The following PIP5K1B variants were observed in gnomAD, a reference collection of about 807,000 sequenced individuals.
The protein encoded by PIP5K1B is phosphatidylinositol-4-phosphate 5-kinase type 1 beta.
Under a neutral mutation model 67.0 loss-of-function variants are expected in PIP5K1B, and 42 were observed. The ratio of observed to expected loss-of-function variants is 0.63; its 90% CI spans 0.49 to 0.81. The LOEUF (loss-of-function observed/expected upper bound fraction) is 0.81. PIP5K1B is among the 30% of genes least tolerant of loss of function. PIP5K1B has a pLI of 0.00. For synonymous variants in PIP5K1B, 214 were observed against 231.4 expected (o/e 0.92, Z 0.68); for missense variants, 459 against 646.3 (o/e 0.71, Z 3.14).
At chr9:68,761,523 A>G (rs1405271329) in intron 2 of PIP5K1B, among the ~76,000 whole-genome samples, 1 of 152,114 alleles carries the variant, frequency 6.6e-6, no homozygotes, top group Non-Finnish European at 1.5e-5. Context: ...TCTGGAAGTG[A>G]GAAGGCCAAA....
At chr9:68,908,101 AG>A (rs1214221713) in intron 8 of PIP5K1B, among the ~76,000 whole-genome samples, 1 of 152,228 alleles carries the variant, frequency 6.6e-6, no homozygotes, top group African/African-American at 2.4e-5. Flanking sequence ...CTCACAAGAC[AG>A]CTGGCCTATG....
intron 15 of PIP5K1B, among the ~76,000 whole-genome samples, chr9:69,003,968 T>C (rs1429659855): frequency 1.3e-5 from 2 of 152,234 alleles, no homozygotes; most frequent in African/African-American, 4.8e-5. Flanking sequence ...TCTGTATTAG[T>C]GTTTAATTAT....
chr9:68,996,420 A>G (rs945905733), intron 15 of PIP5K1B, among the ~76,000 whole-genome samples: 1 of 152,186 alleles, frequency 6.6e-6, no homozygotes, highest in Non-Finnish European at 1.5e-5. Context: ...AAATATTCAA[A>G]TCAAGGGAAG....
intron 1 of PIP5K1B, among the ~76,000 whole-genome samples, chr9:68,738,821 T>C (rs1828865752): frequency 6.6e-6 from 1 of 152,214 alleles, no homozygotes. Context: ...TATTAAACTA[T>C]CCACATTTTC....
Position 68,780,076 on chromosome 9 carries a change from G to GGCGGCGGCA in PIP5K1B, c.-86+37428_-86+37436dup, listed in dbSNP as rs933564183. On this transcript the variant is annotated intron_variant, in intron 2 of 15. Transcript: ENST00000265382. The stretch of plus-strand genomic sequence containing the variant: ...GCCAGCCCGCTGACAGATTCTCGGT[G>GGCGGCGGCA]GCGGCGGCAGCGGCGGCGGCCCTGG... 1.8e-4 allele frequency: 263 copies of GGCGGCGGCA among 1,429,988 alleles called. 2 individuals carry two copies. Among genetic ancestry groups the GGCGGCGGCA allele is most frequent in the South Asian group, 6.0e-4 (37 of 62,122 alleles). The allele number at this position is 1,429,988 out of a possible 1,614,324, so 88.6% of individuals were successfully genotyped here.
chr9:68,899,863 G>A (rs996238669), intron 8 of PIP5K1B, among the ~76,000 whole-genome samples: 1 of 152,130 alleles, frequency 6.6e-6, no homozygotes. Context: ...CATCACTCAG[G>A]TAATAAGCAT....
At chr9:68,842,649 G>A (rs1348996361) in intron 4 of PIP5K1B, among the ~76,000 whole-genome samples, 1 of 152,202 alleles carries the variant, frequency 6.6e-6, no homozygotes, top group African/African-American at 2.4e-5. Context: ...CCCCTCCAGA[G>A]GGCATTTATT....
chr9:69,004,424 C>T (rs192807128), intron 15 of PIP5K1B, among the ~76,000 whole-genome samples: 9 of 152,044 alleles, frequency 5.9e-5, no homozygotes, highest in African/African-American at 1.7e-4. Flanking sequence ...TCTGTAGTCT[C>T]TGAGCTCCTC....
At chr9:68,789,100 C>G in intron 2 of PIP5K1B, 1 of 552,524 alleles carries the variant, frequency 1.8e-6, no homozygotes, top group South Asian at 1.6e-5. Flanking sequence ...ATAATGGCAT[C>G]AATCTCTTCA....
chr9:68,770,571 G>A (rs530397947), intron 2 of PIP5K1B, among the ~76,000 whole-genome samples: 14 of 152,324 alleles, frequency 9.2e-5, no homozygotes, highest in African/African-American at 2.4e-4. Context: ...CACACAGCAC[G>A]AGGTGAGCAG....
In PIP5K1B at chr9:68,764,512, G is replaced by T. The variant is rs539084604; in HGVS notation, c.-86+21855G>T. On this transcript the variant is annotated intron_variant, in intron 2 of 15. Transcript: ENST00000265382. ...AGTTGCTATATTTGTATAATAATAA[G>T]CTTAACTCATCAAGTTACTACTGTA... Among the ~76,000 whole-genome samples, 4 of 151,790 alleles carry T rather than the reference G, an allele frequency of 2.6e-5. No individual in the cohort carries two copies. The South Asian group carries it at 8.3e-4, about 32-fold the overall frequency.
At chr9:68,754,187 T>TTTTTTTTTTTTTTTTTTACA in intron 2 of PIP5K1B, among the ~76,000 whole-genome samples, 1 of 138,826 alleles carries the variant, frequency 7.2e-6, no homozygotes, top group South Asian at 2.3e-4. Context: ...TTTTTTTTTT[T>TTTTTTTTTTTTTTTTTTACA]GAGACAGAGT....
At chr9:68,839,912 C>G (rs1279822650) in intron 4 of PIP5K1B, among the ~76,000 whole-genome samples, 1 of 152,178 alleles carries the variant, frequency 6.6e-6, no homozygotes, top group Non-Finnish European at 1.5e-5. Context: ...AACTCATCAC[C>G]CATTCATTTA....
chr9:68,924,630 G>T (rs1205744338), intron 12 of PIP5K1B, among the ~76,000 whole-genome samples: 1 of 151,888 alleles, frequency 6.6e-6, no homozygotes, highest in Non-Finnish European at 1.5e-5. Context: ...TATGTGAAAG[G>T]AGAAAATAAT....
Position 68,907,376 on chromosome 9 carries a change from T to C in PIP5K1B, c.772-10172T>C, listed in dbSNP as rs141551859. ...AAGTGTGGCTTTCAACTGTGTCATG[T>C]TGAGCCACTCTTGTACCTTCTTTAG... is the stretch of plus-strand genomic sequence containing the variant. On this transcript the variant is annotated intron_variant, in intron 8 of 15. Transcript: ENST00000265382. Among the ~76,000 whole-genome samples, 1,477 of 152,316 alleles carry C rather than the reference T, an allele frequency of 9.7e-3. 14 individuals carry two copies. Among genetic ancestry groups the C allele is most frequent in the Non-Finnish European group, 0.016 (1,112 of 68,022 alleles).
intron 8 of PIP5K1B, among the ~76,000 whole-genome samples, chr9:68,904,433 G>A (rs886129579): frequency 6.6e-6 from 1 of 152,068 alleles, no homozygotes; most frequent in Non-Finnish European, 1.5e-5. Context: ...CCTATTTCAA[G>A]GAAGGAACAC....
At chr9:68,748,613 C>CTTTTTTTTT (rs58954806) in intron 2 of PIP5K1B, among the ~76,000 whole-genome samples, 16 of 98,272 alleles carry the variant, frequency 1.6e-4, no homozygotes, top group Non-Finnish European at 2.2e-4. Context: ...GATTTCTTTT[C>CTTTTTTTTT]TTTTTTTTTT....
chr9:68,832,896 GT>G (rs1426257631), intron 4 of PIP5K1B, among the ~76,000 whole-genome samples: 1 of 152,250 alleles, frequency 6.6e-6, no homozygotes, highest in African/African-American at 2.4e-5. Context: ...AATGTAGACT[GT>G]CTGGGTAACA....
At chr9:68,936,773 G>A (rs1827285357) in intron 13 of PIP5K1B, among the ~76,000 whole-genome samples, 1 of 152,134 alleles carries the variant, frequency 6.6e-6, no homozygotes, top group African/African-American at 2.4e-5. Flanking sequence ...ATTCCTAGCA[G>A]ACATTCATCC....
Sources: allele counts gnomAD v4.1 joint callset (sites outside exome capture counted in the v4.1 genomes callset), GRCh38; gene constraint gnomAD v4.1.1; transcripts MANE v1.5; gene names NCBI Gene and HGNC (gene_info 2026-07-23, HGNC 2026-07-21).